Variants in EHMT1 observed in about 807,000 individuals in gnomAD.
EHMT1 encodes euchromatic histone lysine methyltransferase 1.
A neutral mutation model predicts 147.2 loss-of-function variants in EHMT1; 15 were observed. The observed-to-expected ratio is 0.10, with a 90% confidence interval of 0.07 to 0.16. The LOEUF is 0.16. EHMT1 is among the 10% of genes least tolerant of loss of function. EHMT1 has a pLI of 1.00. For missense variants in EHMT1, 1,587 were observed against 1,772.4 expected (o/e 0.90, Z 1.88); for synonymous variants, 795 against 709.6 (o/e 1.12, Z -1.91).
chr9:137,759,744 C>T (rs904287304), intron 9 of EHMT1, among the ~76,000 whole-genome samples: 2 of 152,228 alleles, frequency 1.3e-5, no homozygotes, highest in African/African-American at 2.4e-5. Context: ...ACAGGCGGTG[C>T]GCCCACTGTG....
intron 1 of EHMT1, among the ~76,000 whole-genome samples, chr9:137,678,511 C>T (rs1486307564): frequency 3.3e-5 from 5 of 152,118 alleles, no homozygotes; most frequent in African/African-American, 1.2e-4. Context: ...TGCAGCCGTG[C>T]GTGTTCTGTC....
chr9:137,625,275 G>A (rs977613149), intron 1 of EHMT1, among the ~76,000 whole-genome samples: 3 of 152,286 alleles, frequency 2.0e-5, no homozygotes, highest in South Asian at 2.1e-4. Flanking sequence ...TTTATCATGC[G>A]TTTAGTGCTA....
At chr9:137,682,871 CCAG>C (rs1942089658) in intron 1 of EHMT1, among the ~76,000 whole-genome samples, 2 of 152,202 alleles carry the variant, frequency 1.3e-5, no homozygotes. Context: ...ATGGGTCACT[CCAG>C]CCCAGCTGCG....
intron 1 of EHMT1, among the ~76,000 whole-genome samples, chr9:137,658,962 A>T (rs1260559783): frequency 6.6e-6 from 1 of 152,032 alleles, no homozygotes. Context: ...CTTGGGCTGG[A>T]GTGGAACTGC....
intron 6 of EHMT1, among the ~76,000 whole-genome samples, chr9:137,749,384 A>T (rs775825409): frequency 6.6e-6 from 1 of 151,558 alleles, no homozygotes; most frequent in Admixed American, 6.6e-5. Context: ...TGATCCTCCC[A>T]CCTCAGCCTC....
At chr9:137,714,999 T>C (rs995507694) in intron 2 of EHMT1, among the ~76,000 whole-genome samples, 1 of 152,236 alleles carries the variant, frequency 6.6e-6, no homozygotes, top group Non-Finnish European at 1.5e-5. Context: ...CCTACTTCTG[T>C]GAATGATACT....
chr9:137,647,375 C>T (rs892021954), intron 1 of EHMT1, among the ~76,000 whole-genome samples: 6 of 152,158 alleles, frequency 3.9e-5, no homozygotes, highest in African/African-American at 7.2e-5. Flanking sequence ...CCTCTCGCCC[C>T]GCAGCGCTAG....
chr9:137,800,679 C>T, intron 17 of EHMT1: 1 of 602,678 alleles, frequency 1.7e-6, no homozygotes, highest in Admixed American at 2.7e-5. Flanking sequence ...GTTCTGCCTT[C>T]ATCCTGCGCT....
chr9:137,834,542 C>T lies in EHMT1; in HGVS notation c.3716+18C>T. On this transcript the variant is annotated intron_variant, in intron 26 of 26. Transcript: ENST00000460843. ...CAGCTCGGGTACGCACCGCCCCGGC[C>T]CCTGGCCATCTCCGCTGCCGGCGGG... The T allele has an allele frequency of 6.2e-7, 1 of 1,608,808 alleles. No individual in the cohort carries two copies. The highest frequency in any genetic ancestry group is 1.3e-5 in the African/African-American group (1 of 75,040).
chr9:137,656,096 A>G (rs1361340052), intron 1 of EHMT1, among the ~76,000 whole-genome samples: 1 of 152,178 alleles, frequency 6.6e-6, no homozygotes, highest in Non-Finnish European at 1.5e-5. Flanking sequence ...ATGTGTACAT[A>G]TGGCTGGGCG....
chr9:137,754,614 G>A (rs1275202186), intron 8 of EHMT1, among the ~76,000 whole-genome samples: 2 of 152,094 alleles, frequency 1.3e-5, no homozygotes, highest in African/African-American at 4.8e-5. Flanking sequence ...CTGGGCTCAG[G>A]CGATCATCCT....
At chr9:137,820,829 A>G (rs1378832535) in intron 25 of EHMT1, among the ~76,000 whole-genome samples, 1 of 152,108 alleles carries the variant, frequency 6.6e-6, no homozygotes, top group African/African-American at 2.4e-5. Flanking sequence ...TACCTTAATT[A>G]TTTTAATTAC....
intron 4 of EHMT1, among the ~76,000 whole-genome samples, chr9:137,742,673 C>T (rs1458647691): frequency 6.6e-6 from 1 of 152,210 alleles, no homozygotes; most frequent in Non-Finnish European, 1.5e-5. Flanking sequence ...AACCACTGCT[C>T]CAGAGCCCCC....
chr9:137,706,266 G>A (rs1213266079), intron 1 of EHMT1, among the ~76,000 whole-genome samples: 2 of 152,230 alleles, frequency 1.3e-5, no homozygotes, highest in Non-Finnish European at 2.9e-5. Context: ...TCCTGGACTG[G>A]GCAGAGCTTC....
chr9:137,692,730 C>T (rs762896396), intron 1 of EHMT1, among the ~76,000 whole-genome samples: 3 of 152,038 alleles, frequency 2.0e-5, no homozygotes, highest in East Asian at 1.9e-4. Flanking sequence ...GTGTGTGTGT[C>T]GGACGGCAGT....
intron 1 of EHMT1, among the ~76,000 whole-genome samples, chr9:137,640,260 A>G (rs1235827813): frequency 2.0e-5 from 3 of 151,104 alleles, no homozygotes; most frequent in African/African-American, 7.3e-5. Flanking sequence ...TAAAGCTTTT[A>G]ATTTTAATTT....
chr9:137,719,048 C>T (rs1045638236), intron 3 of EHMT1, among the ~76,000 whole-genome samples: 9 of 152,034 alleles, frequency 5.9e-5, no homozygotes, highest in Middle Eastern at 3.2e-3. Flanking sequence ...CCACCGCGCC[C>T]GGCCTGATTA....
chr9:137,772,377 T>A (rs971093121), intron 10 of EHMT1, among the ~76,000 whole-genome samples: 1 of 151,972 alleles, frequency 6.6e-6, no homozygotes, highest in African/African-American at 2.4e-5. Context: ...ACTAAAAAAA[T>A]AGGAAACCGT....
chr9:137,731,455 T>C lies in EHMT1; in HGVS notation c.823+2926T>C, dbSNP rs1588425116. ...TCATCAGTGCACCTTTCAACATGGC[T>C]GGAAAGACAGGAGTGCAGATGGAGG... On this transcript the variant is annotated intron_variant, in intron 4 of 26. Transcript: ENST00000460843. This position sits in a 1 kb window ranked among gnomAD's most constrained non-coding sequence, Gnocchi z 4.3. Among the ~76,000 whole-genome samples the C allele has an allele frequency of 6.6e-6, 1 of 152,150 alleles. No homozygotes were observed. The highest frequency in any genetic ancestry group is 1.5e-5 in the Non-Finnish European group (1 of 68,024).
Sources: allele counts gnomAD v4.1 joint callset (sites outside exome capture counted in the v4.1 genomes callset), GRCh38; gene constraint gnomAD v4.1.1; non-coding constraint Gnocchi (gnomAD v3.1); transcripts MANE v1.5; gene names NCBI Gene and HGNC (gene_info 2026-07-23, HGNC 2026-07-21).